The following IRX6 variants were observed in gnomAD, a reference collection of about 807,000 sequenced individuals.
The protein encoded by IRX6 is iroquois homeobox 6, also known as iroquois-class homeodomain protein IRX-6.
In IRX6, 46 loss-of-function variants were observed where a neutral mutation model predicts 47.7. The ratio of observed to expected loss-of-function variants is 0.96; its 90% CI spans 0.76 to 1.23. The LOEUF (loss-of-function observed/expected upper bound fraction) is 1.23, where lower values mean the gene tolerates loss of function less well. Ranked by LOEUF, IRX6 falls within the 50% of genes most tolerant of loss-of-function variation. IRX6 has a pLI of 0.00. For missense variants in IRX6, 722 were observed against 588.0 expected (o/e 1.23, Z -2.36); for synonymous variants, 265 against 246.2 (o/e 1.08, Z -0.72).
Position 55,325,081 on chromosome 16 carries a change from G to T in IRX6, c.-11G>T. ...GACAGGGAAGAGAGAGACGGGCCAGGGACAGCCACCATGTCCTTCCCACAC... is the reference window on the plus strand; with the variant it reads ...GACAGGGAAGAGAGAGACGGGCCAGTGACAGCCACCATGTCCTTCCCACAC... On this transcript the variant is annotated 5_prime_UTR_variant, in exon 1 of 6. Coordinates refer to ENST00000290552, the MANE Select transcript of IRX6 (RefSeq NM_024335.3). 1 of 1,614,006 alleles carries T rather than the reference G, an allele frequency of 6.2e-7. No individual in the cohort carries two copies. Among genetic ancestry groups the T allele is most frequent in the African/African-American group, 1.3e-5 (1 of 75,040 alleles).
Position 55,326,347 on chromosome 16 carries a change from G to C in IRX6, c.57G>C (p.Ser19=), listed in dbSNP as rs374929016. The C allele has an allele frequency of 1.7e-5, 27 of 1,612,754 alleles. No homozygotes were observed. Among genetic ancestry groups the C allele is most frequent in the South Asian group, 3.3e-5 (3 of 90,960 alleles). Residue 19 remains serine (S), a synonymous_variant, in exon 2 of 6, where the codon TCG becomes TCC. Coordinates refer to ENST00000290552, the MANE Select transcript of IRX6 (RefSeq NM_024335.3). ...PYRGASQFLA[S]ASSSTTCCES... Reference sequence around the variant, plus strand: ...TCTTGCCCCTATAGTTTCTGGCGTCGGCAAGTTCCAGCACCACATGCTGCG... The same window carrying C: ...TCTTGCCCCTATAGTTTCTGGCGTCCGCAAGTTCCAGCACCACATGCTGCG...
At position 55,330,665 on chromosome 16, in the gene IRX6, T is replaced by C; in HGVS notation, c.*360T>C. On this transcript the variant is annotated 3_prime_UTR_variant, in exon 6 of 6. Coordinates refer to ENST00000290552, the MANE Select transcript of IRX6 (RefSeq NM_024335.3). ...ACCTCCACCAACCCCACTCACTTTG[T>C]AACTTCATCACTGACCCGGCCAATA... 3 of 376,392 alleles carry C rather than the reference T, an allele frequency of 8.0e-6. No homozygotes were observed. The highest frequency in any genetic ancestry group is 1.5e-5 in the Non-Finnish European group (3 of 203,114). The allele number at this position is 376,392 out of a possible 1,614,324, so 23.3% of individuals were successfully genotyped here.
intron 5 of IRX6, among the ~76,000 whole-genome samples, chr16:55,329,623 G>A (rs538163475): frequency 5.9e-5 from 9 of 152,152 alleles, no homozygotes; most frequent in Non-Finnish European, 1.2e-4. Flanking sequence ...AAATCCACCA[G>A]GTGTGCATCA....
intron 3 of IRX6, 59 bp downstream of exon 3, chr16:55,327,464 G>A (rs571351915): frequency 3.2e-6 from 5 of 1,570,984 alleles, no homozygotes; most frequent in South Asian, 1.1e-5. Flanking sequence ...CCACTGCCAA[G>A]GTAGGGTGGA....
At chr16:55,325,530 G>GGAAAGAGAGAGAGA (rs1491427085) in intron 1 of IRX6, among the ~76,000 whole-genome samples, 1 of 9,082 alleles carries the variant, frequency 1.1e-4, no homozygotes, top group African/African-American at 7.7e-4. Context: ...AAGGAAGGAA[G>GGAAAGAGAGAGAGA]GAGAGAGAGA....
Position 55,330,559 on chromosome 16 carries a change from G to A in IRX6, c.*254G>A, listed in dbSNP as rs1028700190. 15 of 561,782 alleles carry A rather than the reference G, an allele frequency of 2.7e-5. No individual in the cohort carries two copies. Among genetic ancestry groups the A allele is most frequent in the Non-Finnish European group, 3.8e-5 (12 of 314,620 alleles). 34.8% of individuals were successfully genotyped at this position (561,782 alleles called of 1,614,324 possible). On this transcript the variant is annotated 3_prime_UTR_variant, in exon 6 of 6. Transcript: ENST00000290552. The stretch of plus-strand genomic sequence containing the variant: ...AGGCCAAGTGGGAGGCTGGGAGGCT[G>A]CCCCACCCACCGACTCTACCAAGTC...
At chr16:55,327,457 C>T (rs532385417) in intron 3 of IRX6, 52 bp downstream of exon 3, 2 of 1,572,558 alleles carry the variant, frequency 1.3e-6, no homozygotes, top group Admixed American at 1.7e-5. Flanking sequence ...TCCTCCCCCA[C>T]TGCCAAGGTA....
At position 55,325,121 on chromosome 16, in the gene IRX6, C is replaced by T. The variant is rs1960486365; in HGVS notation, c.30C>T (p.Tyr10=). Residue 10 remains tyrosine, a synonymous_variant, in exon 1 of 6, where the codon TAC becomes TAT. Transcript: ENST00000290552. MSFPHFGHP[Y]RGASQFLASA... ...CCTTCCCACACTTTGGACACCCGTA[C>T]CGCGGCGCTTCCCAGGTAAGAGGCG... is the stretch of plus-strand genomic sequence containing the variant. 1.2e-6 allele frequency: 2 copies of T among 1,614,004 alleles called. No homozygotes were observed. Among genetic ancestry groups the T allele is most frequent in the South Asian group, 1.1e-5 (1 of 91,080 alleles).
At position 55,328,890 on chromosome 16, in the gene IRX6, G is replaced by A; in HGVS notation, c.912G>A (p.Leu304=). The change falls in exon 5 of 6, where the codon TTG becomes TTA. Residue 304 remains leucine, a synonymous_variant. Transcript: ENST00000290552. ...GPCAAAREGR[L]ERRECGLAAP... ...GCGCTGCAGCTCGAGAGGGCCGATT[G>A]GAGCGCAGGGAGTGCGGCCTGGCTG... is the stretch of plus-strand genomic sequence containing the variant. 1 of 1,613,062 alleles carries A rather than the reference G, an allele frequency of 6.2e-7. No individual in the cohort carries two copies. Among genetic ancestry groups the A allele is most frequent in the Non-Finnish European group, 8.5e-7 (1 of 1,179,966 alleles).
At chr16:55,326,030 G>A (rs1398097096) in intron 1 of IRX6, 3 of 392,522 alleles carry the variant, frequency 7.6e-6, no homozygotes, top group Non-Finnish European at 1.4e-5. Context: ...GGAGCAGAGG[G>A]TTTGGTGTCT....
At chr16:55,328,016 C>T in intron 4 of IRX6, 123 bp downstream of exon 4, 1 of 895,592 alleles carries the variant, frequency 1.1e-6, no homozygotes, top group Non-Finnish European at 1.7e-6. Context: ...CTTGCACTTC[C>T]CTGCCTGTCT....
chr16:55,326,471 C>T lies in IRX6; in HGVS notation c.181C>T (p.Arg61Ter), dbSNP rs772103504. The change falls in exon 2 of 6, where the codon CGA becomes TGA. Residue 61 changes from arginine to a stop codon, truncating the protein, a stop_gained. Transcript: ENST00000290552. LOFTEE classifies it high-confidence loss of function. ...PYDSRLLGSA[R>*]PELGAALGIY... Reference sequence around the variant, plus strand: ...CGATAGTCGACTGCTGGGCAGTGCGCGACCGGAGCTGGGCGCCGCCTTGGG... The same window carrying T: ...CGATAGTCGACTGCTGGGCAGTGCGTGACCGGAGCTGGGCGCCGCCTTGGG... 1.8e-5 allele frequency: 29 copies of T among 1,613,512 alleles called. No individual in the cohort carries two copies. The highest frequency in any genetic ancestry group is 3.3e-5 in the South Asian group (3 of 91,018).
intron 5 of IRX6, among the ~76,000 whole-genome samples, chr16:55,329,954 C>T (rs1323272895): frequency 1.3e-5 from 2 of 152,192 alleles, no homozygotes; most frequent in Admixed American, 1.3e-4. Context: ...CCAGTGACTG[C>T]CAATCAGTGT....
chr16:55,327,630 C>T lies in IRX6; in HGVS notation c.458C>T (p.Ala153Val), dbSNP rs746371554. ...AGTGGCGCCGGTCGCCGAAAGAACG[C>T]GACCCGGGAGACCACCAGTACACTC... Reference protein sequence around the residue: ...ELSGAGRRKNATRETTSTLKA... With the variant: ...ELSGAGRRKNVTRETTSTLKA... The change falls in exon 4 of 6, where the codon GCG (alanine) becomes GTG (valine). Residue 153 changes from alanine to valine, a missense_variant. Ala to Val is a moderately conservative substitution (Grantham distance 64, BLOSUM62 0). Transcript: ENST00000290552. 5.0e-6 allele frequency: 8 copies of T among 1,610,796 alleles called. No homozygotes were observed. The highest frequency in any genetic ancestry group is 1.1e-5 in the South Asian group (1 of 90,776).
In IRX6 at chr16:55,325,124, C is replaced by A; in HGVS notation, c.33C>A (p.Arg11=). 1 of 1,613,934 alleles carries A rather than the reference C, an allele frequency of 6.2e-7. No homozygotes were observed. The highest frequency in any genetic ancestry group is 8.5e-7 in the Non-Finnish European group (1 of 1,179,992). The change falls in exon 1 of 6, where the codon CGC becomes CGA. Residue 11 remains arginine (R), a synonymous_variant. Transcript: ENST00000290552. The part of the protein sequence containing the change: MSFPHFGHPY[R]GASQFLASAS... Reference sequence around the variant, plus strand: ...TCCCACACTTTGGACACCCGTACCGCGGCGCTTCCCAGGTAAGAGGCGCCT... The same window carrying A: ...TCCCACACTTTGGACACCCGTACCGAGGCGCTTCCCAGGTAAGAGGCGCCT...
In IRX6 at chr16:55,327,700, G is replaced by C. The variant is rs150803364; in HGVS notation, c.528G>C (p.Lys176Asn). ...ACCGCAAAAACCCCTACCCCACTAAGGGTGAGAAGATCATGCTGGCCATCA... is the reference window on the plus strand; with the variant it reads ...ACCGCAAAAACCCCTACCCCACTAACGGTGAGAAGATCATGCTGGCCATCA... ...NEHRKNPYPT[K>N]GEKIMLAIIT... Residue 176 changes from lysine to asparagine, a missense_variant, in exon 4 of 6, where the codon AAG becomes AAC. Physicochemically the swap from Lys to Asn is moderately conservative, Grantham distance 94. Transcript: ENST00000290552. 2.0e-5 allele frequency: 32 copies of C among 1,612,276 alleles called. No homozygotes were observed. The African/African-American group carries it at 4.0e-4, about 20-fold the overall frequency.
intron 2 of IRX6, 34 bp from the exon 3 acceptor site, chr16:55,327,262 T>C: frequency 6.6e-7 from 1 of 1,511,776 alleles, no homozygotes; most frequent in South Asian, 1.1e-5. Context: ...CCTCCCCAAC[T>C]GTACTCCTGA....
chr16:55,326,447 G>A lies in IRX6; in HGVS notation c.157G>A (p.Asp53Asn), dbSNP rs367821200. 223 of 1,613,750 alleles carry A rather than the reference G, an allele frequency of 1.4e-4. No homozygotes were observed. Among genetic ancestry groups the A allele is most frequent in the Non-Finnish European group, 1.9e-4 (220 of 1,180,046 alleles). ...GCCCGCTCTCTGCTGCGCACCCTAC[G>A]ATAGTCGACTGCTGGGCAGTGCGCG... The part of the protein sequence containing the change: ...PAPALCCAPY[D>N]SRLLGSARPE... The change falls in exon 2 of 6, where the codon GAT (aspartate) becomes AAT (asparagine). Residue 53 changes from aspartate to asparagine, a missense_variant. Physicochemically the swap from Asp to Asn is conservative, Grantham distance 23 (BLOSUM62 1). Transcript: ENST00000290552.
In IRX6 at chr16:55,324,857, G is replaced by T; in HGVS notation, c.-235G>T. 1.7e-6 allele frequency: 1 copy of T among 586,818 alleles called. No homozygotes were observed. The allele number at this position is 586,818 out of a possible 1,614,324, so 36.4% of individuals were successfully genotyped here. A position where few individuals can be genotyped will look rare whatever the true frequency, so the allele number is the denominator to read the frequency against. ...CTTCTTCCTTCCCCTGCCCATCCAT[G>T]GGCCCTTCTGTCTTCCGGACCCCAC... is the stretch of plus-strand genomic sequence containing the variant. On this transcript the variant is annotated 5_prime_UTR_variant, in exon 1 of 6. An upstream start codon of the reference 5' UTR is lost. Coordinates refer to ENST00000290552, the MANE Select transcript of IRX6 (RefSeq NM_024335.3). This position sits in a 1 kb window ranked among gnomAD's most constrained non-coding sequence, Gnocchi z 4.4.
Sources: allele counts gnomAD v4.1 joint callset (sites outside exome capture counted in the v4.1 genomes callset), GRCh38; gene constraint gnomAD v4.1.1; non-coding constraint Gnocchi (gnomAD v3.1); transcripts MANE v1.5; gene names NCBI Gene and HGNC (gene_info 2026-07-23, HGNC 2026-07-21).